KIAA1549L: variants seen among roughly 807,000 people sequenced by gnomAD.
KIAA1549L encodes KIAA1549 like, also known as UPF0606 protein KIAA1549L.
In KIAA1549L, 88 loss-of-function variants were observed where a neutral mutation model predicts 160.7. The ratio of observed to expected loss-of-function variants is 0.55; its 90% confidence interval spans 0.46 to 0.65. The LOEUF (loss-of-function observed/expected upper bound fraction) is 0.65, where lower values mean the gene tolerates loss of function less well. Among genes scored for constraint, KIAA1549L ranks in the 30% least tolerant of loss-of-function variants. The pLI, the probability that KIAA1549L is intolerant of heterozygous loss-of-function variation, is 0.00. For synonymous variants in KIAA1549L, 950 were observed against 976.7 expected (o/e 0.97, Z 0.51); for missense variants, 2,258 against 2,437.5 (o/e 0.93, Z 1.55).
intron 1 of KIAA1549L, among the ~76,000 whole-genome samples, chr11:33,395,804 G>A (rs1850361776): frequency 6.6e-6 from 1 of 151,946 alleles, no homozygotes; most frequent in South Asian, 2.1e-4. Context: ...ATTGTAGTCT[G>A]CTGTCTTCTG....
chr11:33,589,128 G>T (rs928089127), intron 11 of KIAA1549L, among the ~76,000 whole-genome samples: 1 of 152,150 alleles, frequency 6.6e-6, no homozygotes, highest in African/African-American at 2.4e-5. Context: ...CTCAAAAGAA[G>T]ACATTTATGC....
At chr11:33,641,755 A>T (rs1851593544) in intron 16 of KIAA1549L, among the ~76,000 whole-genome samples, 1 of 151,616 alleles carries the variant, frequency 6.6e-6, no homozygotes, top group Admixed American at 6.6e-5. Context: ...TAAAGTGGGA[A>T]TATTCATAGT....
chr11:33,397,194 C>T (rs534380574), intron 1 of KIAA1549L, among the ~76,000 whole-genome samples: 2 of 145,442 alleles, frequency 1.4e-5, no homozygotes, highest in African/African-American at 2.5e-5. Context: ...ATTAGCCGGA[C>T]GTGGTGGCAG....
At chr11:33,432,215 GCTC>G (rs1033045697) in intron 1 of KIAA1549L, among the ~76,000 whole-genome samples, 6 of 152,200 alleles carry the variant, frequency 3.9e-5, no homozygotes, top group Non-Finnish European at 8.8e-5. Context: ...GGGCTGAAGT[GCTC>G]CTCAAGTGCC....
chr11:33,515,386 C>T (rs947531380), intron 1 of KIAA1549L, among the ~76,000 whole-genome samples: 1 of 152,172 alleles, frequency 6.6e-6, no homozygotes, highest in East Asian at 1.9e-4. Flanking sequence ...GTCTTCAGGC[C>T]CCAGTTTCAA....
chr11:33,558,453 G>A lies in KIAA1549L; in HGVS notation c.3856-1296G>A, dbSNP rs999546449. ...TCCTCCCTCTCTCCCATATCCTCCCGAAGGCAGTGGAGCCCACTGGGGTTG... is the reference window on the plus strand; with the variant it reads ...TCCTCCCTCTCTCCCATATCCTCCCAAAGGCAGTGGAGCCCACTGGGGTTG... On this transcript the variant is annotated intron_variant, in intron 6 of 20. Coordinates refer to ENST00000658780, the MANE Select transcript of KIAA1549L (RefSeq NM_012194.3). Among the ~76,000 whole-genome samples, 12 of 152,118 alleles carry A rather than the reference G, an allele frequency of 7.9e-5. No homozygotes were observed. In the South Asian group the frequency reaches 8.3e-4, roughly 10 times the overall value.
At chr11:33,422,391 G>A (rs1364751156) in intron 1 of KIAA1549L, among the ~76,000 whole-genome samples, 2 of 151,910 alleles carry the variant, frequency 1.3e-5, no homozygotes, top group Non-Finnish European at 2.9e-5. Flanking sequence ...ATCCACTGCT[G>A]CACCAGGAGT....
chr11:33,629,933 C>A (rs1221998223), intron 16 of KIAA1549L, among the ~76,000 whole-genome samples: 1 of 150,060 alleles, frequency 6.7e-6, no homozygotes, highest in Admixed American at 6.6e-5. Context: ...TACTTTTGGT[C>A]TTTGATGATG....
At chr11:33,402,879 T>G (rs1395274511) in intron 1 of KIAA1549L, among the ~76,000 whole-genome samples, 1 of 152,168 alleles carries the variant, frequency 6.6e-6, no homozygotes, top group East Asian at 1.9e-4. Flanking sequence ...GACTTCCTCT[T>G]GCTGCTAGGG....
Position 33,377,999 on chromosome 11 carries a change from A to G in KIAA1549L, c.238+1110A>G, listed in dbSNP as rs79559122. On this transcript the variant is annotated intron_variant, in intron 1 of 20. Coordinates refer to ENST00000658780, the MANE Select transcript of KIAA1549L (RefSeq NM_012194.3). ...ATGTTCTATTGCGATTATAGTGGTT[A>G]CAAAGTTCAGGAATCTTTGGATGTG... is the stretch of plus-strand genomic sequence containing the variant. 8.5e-3 allele frequency among the ~76,000 whole-genome samples: 1,295 copies of G among 152,318 alleles called. 9 individuals are homozygous for G. The highest frequency in any genetic ancestry group is 0.011 in the Non-Finnish European group (749 of 68,034).
intron 10 of KIAA1549L, among the ~76,000 whole-genome samples, chr11:33,581,057 G>C (rs1855625620): frequency 6.6e-6 from 1 of 152,158 alleles, no homozygotes; most frequent in Non-Finnish European, 1.5e-5. Context: ...GGTCATTGAG[G>C]GAGCAGAGTC....
chr11:33,465,970 C>T (rs1852049178), intron 1 of KIAA1549L, among the ~76,000 whole-genome samples: 1 of 152,184 alleles, frequency 6.6e-6, no homozygotes, highest in Non-Finnish European at 1.5e-5. Context: ...AAAGCAATGG[C>T]AACAAAGCCA....
intron 1 of KIAA1549L, among the ~76,000 whole-genome samples, chr11:33,400,780 A>G (rs1850482207): frequency 6.6e-6 from 1 of 152,214 alleles, no homozygotes; most frequent in Non-Finnish European, 1.5e-5. Flanking sequence ...AGCATTTCCC[A>G]TGATCCAGAC....
At chr11:33,565,131 T>G (rs1855005585) in intron 8 of KIAA1549L, among the ~76,000 whole-genome samples, 1 of 152,124 alleles carries the variant, frequency 6.6e-6, no homozygotes, top group African/African-American at 2.4e-5. Context: ...TGAGCTTCTA[T>G]GGTTCTGTGA....
At chr11:33,518,196 G>A (rs1159021655) in intron 1 of KIAA1549L, among the ~76,000 whole-genome samples, 1 of 147,076 alleles carries the variant, frequency 6.8e-6, no homozygotes. Flanking sequence ...TTTTTTCTTG[G>A]GCAAGATTAA....
chr11:33,601,518 A>G (rs1850359237), intron 13 of KIAA1549L, among the ~76,000 whole-genome samples: 1 of 152,210 alleles, frequency 6.6e-6, no homozygotes, highest in Non-Finnish European at 1.5e-5. Flanking sequence ...AGAAAACAAA[A>G]AAGTATATTT....
In KIAA1549L at chr11:33,581,855, A is replaced by G. The variant is rs1855655195; in HGVS notation, c.4403-1483A>G. Among the ~76,000 whole-genome samples, 7 of 152,222 alleles carry G rather than the reference A, an allele frequency of 4.6e-5. No individual in the cohort carries two copies. The South Asian group carries it at 1.4e-3, about 31-fold the overall frequency. On this transcript the variant is annotated intron_variant, in intron 10 of 20. Coordinates refer to ENST00000658780, the MANE Select transcript of KIAA1549L (RefSeq NM_012194.3). ...AAATCTGTTCTGTTTATGTAAATGA[A>G]GGTGAGGGGATTTTACATACTGCAC... is the stretch of plus-strand genomic sequence containing the variant.
chr11:33,484,654 A>G (rs1467463783), intron 1 of KIAA1549L, among the ~76,000 whole-genome samples: 1 of 152,062 alleles, frequency 6.6e-6, no homozygotes, highest in Non-Finnish European at 1.5e-5. Flanking sequence ...TGAGCATCCC[A>G]TAAGTATTAG....
chr11:33,642,268 G>A (rs1851606872), intron 16 of KIAA1549L, among the ~76,000 whole-genome samples: 1 of 152,220 alleles, frequency 6.6e-6, no homozygotes, highest in African/African-American at 2.4e-5. Flanking sequence ...TGGAAGAAAT[G>A]TGTTAGGGAA....
Sources: gnomAD v4.1 joint callset for allele counts (sites outside exome capture counted in the v4.1 genomes callset) on GRCh38, gnomAD v4.1.1 for gene constraint, MANE v1.5 for transcripts, NCBI Gene and HGNC (gene_info 2026-07-23, HGNC 2026-07-21) for gene names.